The following KCNT2 variants were observed in gnomAD, a reference collection of about 807,000 sequenced individuals.
KCNT2 encodes the protein potassium sodium-activated channel subfamily T member 2, also known as potassium channel subfamily T member 2.
In KCNT2, 67 loss-of-function variants were observed where a neutral mutation model predicts 153.8. The ratio of observed to expected loss-of-function variants is 0.44; its 90% CI spans 0.36 to 0.53. KCNT2 has a LOEUF of 0.53. KCNT2 is among the 20% of genes least tolerant of loss of function. KCNT2 has a pLI of 0.00. For synonymous variants in KCNT2, 500 were observed against 458.8 expected (o/e 1.09, Z -1.15); for missense variants, 975 against 1,354.8 (o/e 0.72, Z 4.40).
At chr1:196,411,000 C>T (rs927932053) in intron 12 of KCNT2, among the ~76,000 whole-genome samples, 1 of 147,768 alleles carries the variant, frequency 6.8e-6, no homozygotes, top group Non-Finnish European at 1.5e-5. Flanking sequence ...TCCTTCCTTC[C>T]TCATTGCTCC....
At chr1:196,362,272 G>A (rs750953715) in intron 14 of KCNT2, among the ~76,000 whole-genome samples, 4 of 152,108 alleles carry the variant, frequency 2.6e-5, no homozygotes, top group Admixed American at 6.6e-5. Context: ...CTGTCTTCCT[G>A]TCATTACCTC....
chr1:196,497,100 G>C (rs1680318770), intron 1 of KCNT2, among the ~76,000 whole-genome samples: 1 of 152,176 alleles, frequency 6.6e-6, no homozygotes, highest in Admixed American at 6.5e-5. Context: ...TTTCTTATAA[G>C]AGGATGCCTC....
At chr1:196,262,057 A>T (rs1418051237) in intron 25 of KCNT2, among the ~76,000 whole-genome samples, 1 of 151,884 alleles carries the variant, frequency 6.6e-6, no homozygotes, top group African/African-American at 2.4e-5. Flanking sequence ...GGCTAAAAGT[A>T]TTTCTTCACA....
At chr1:196,266,355 C>A (rs1470335931) in intron 25 of KCNT2, among the ~76,000 whole-genome samples, 1 of 152,172 alleles carries the variant, frequency 6.6e-6, no homozygotes, top group Non-Finnish European at 1.5e-5. Flanking sequence ...CCTCCCCTTA[C>A]TCTTATGGAG....
At chr1:196,400,472 T>C (rs1471784043) in intron 12 of KCNT2, among the ~76,000 whole-genome samples, 2 of 151,812 alleles carry the variant, frequency 1.3e-5, no homozygotes, top group Non-Finnish European at 2.9e-5. Flanking sequence ...AGATATTCTG[T>C]ATCTTACAGG....
At chr1:196,525,481 T>G (rs1366040455) in intron 1 of KCNT2, among the ~76,000 whole-genome samples, 2 of 152,214 alleles carry the variant, frequency 1.3e-5, no homozygotes, top group Non-Finnish European at 2.9e-5. Context: ...GAAATATATG[T>G]GTTAGATGAG....
chr1:196,482,203 G>A, intron 4 of KCNT2, 128 bp downstream of exon 4: 1 of 640,266 alleles, frequency 1.6e-6, no homozygotes, highest in Non-Finnish European at 2.8e-6. Flanking sequence ...GTTAGTCCAA[G>A]ATGTGCATGA....
intron 13 of KCNT2, among the ~76,000 whole-genome samples, chr1:196,391,109 G>C (rs1483533596): frequency 3.3e-5 from 5 of 151,182 alleles, no homozygotes; most frequent in African/African-American, 1.2e-4. Flanking sequence ...GCAGGAAAGG[G>C]GGGTTGTAAG....
intron 2 of KCNT2, 92 bp downstream of exon 2, chr1:196,492,170 T>A: frequency 8.3e-7 from 1 of 1,204,732 alleles, no homozygotes; most frequent in South Asian, 1.8e-5. Context: ...TTTATTCCTC[T>A]ATCTAAAAAG....
intron 25 of KCNT2, among the ~76,000 whole-genome samples, chr1:196,263,684 AT>A (rs56952980): frequency 0.013 from 1,962 of 152,298 alleles, 22 homozygotes; most frequent in Non-Finnish European, 0.021. Flanking sequence ...AGTGAAAAAA[AT>A]ATCAAATTAT....
chr1:196,287,370 C>T (rs2147899012), intron 22 of KCNT2, among the ~76,000 whole-genome samples: 1 of 151,998 alleles, frequency 6.6e-6, no homozygotes, highest in Middle Eastern at 3.4e-3. Context: ...ATATGTTAGA[C>T]CCAAATTAAA....
intron 14 of KCNT2, among the ~76,000 whole-genome samples, chr1:196,351,179 T>G (rs966756475): frequency 3.3e-5 from 5 of 152,098 alleles, no homozygotes; most frequent in Non-Finnish European, 7.4e-5. Flanking sequence ...ATTGACTTGG[T>G]GATGCGGGCT....
At chr1:196,405,855 G>A (rs994086284) in intron 12 of KCNT2, among the ~76,000 whole-genome samples, 1 of 151,498 alleles carries the variant, frequency 6.6e-6, no homozygotes, top group African/African-American at 2.4e-5. Context: ...AATACATGTA[G>A]ATAGATTTGC....
chr1:196,262,404 G>A (rs1657112896), intron 25 of KCNT2, among the ~76,000 whole-genome samples: 1 of 151,894 alleles, frequency 6.6e-6, no homozygotes. Context: ...TCTAAACTGT[G>A]CTATTTAATT....
chr1:196,480,287 T>C (rs1433585642), intron 4 of KCNT2, among the ~76,000 whole-genome samples: 5 of 152,176 alleles, frequency 3.3e-5, no homozygotes, highest in Admixed American at 6.6e-5. Flanking sequence ...CCCTGGAGAT[T>C]ACATTTTTTC....
At chr1:196,556,242 A>C (rs2148910049) in intron 1 of KCNT2, among the ~76,000 whole-genome samples, 1 of 151,706 alleles carries the variant, frequency 6.6e-6, no homozygotes, top group East Asian at 1.9e-4. Flanking sequence ...AGTATTTCCA[A>C]ATACCCATTT....
At position 196,331,243 on chromosome 1, in the gene KCNT2, T is replaced by C. The variant is rs1016053555; in HGVS notation, c.2016A>G (p.Pro672=). The stretch of plus-strand genomic sequence containing the variant: ...AACTTCCTATATATGGAGAATAAGG[T>C]GGGTAACCTTTAGCATACCTGTAAA... ...SSNLEYAKGY[P]PYSPYIGSSP... is the part of the protein sequence containing the mutation. The change falls in exon 18 of 28, where the codon CCA becomes CCG. Residue 672 remains proline, a synonymous_variant. Coordinates refer to ENST00000294725, the MANE Select transcript of KCNT2 (RefSeq NM_198503.5). 3.8e-6 allele frequency: 6 copies of C among 1,590,114 alleles called. No homozygotes were observed. In the African/African-American group the frequency reaches 6.7e-5, roughly 18 times the overall value.
intron 21 of KCNT2, among the ~76,000 whole-genome samples, chr1:196,314,597 G>A (rs1413545628): frequency 6.6e-6 from 1 of 150,818 alleles, no homozygotes; most frequent in Non-Finnish European, 1.5e-5. Flanking sequence ...CAGGTGCTAT[G>A]ACAGATTCTT....
At chr1:196,427,646 A>G (rs543056604) in intron 10 of KCNT2, among the ~76,000 whole-genome samples, 1 of 152,210 alleles carries the variant, frequency 6.6e-6, no homozygotes, top group East Asian at 1.9e-4. Flanking sequence ...ACTTCAGGAA[A>G]CAAAAGAAAA....
Sources: gnomAD v4.1 joint callset for allele counts (sites outside exome capture counted in the v4.1 genomes callset) on GRCh38, gnomAD v4.1.1 for gene constraint, MANE v1.5 for transcripts, NCBI Gene and HGNC (gene_info 2026-07-23, HGNC 2026-07-21) for gene names.